Variants in PARD3B observed in about 807,000 individuals in gnomAD.
PARD3B encodes the protein partitioning defective 3 homolog B.
PARD3B carries 103 observed loss-of-function variants against 130.2 expected under a neutral mutation model. That is an observed-to-expected ratio of 0.79 (90% CI 0.67 to 0.93). The LOEUF (loss-of-function observed/expected upper bound fraction) is 0.93, where lower values mean the gene tolerates loss of function less well. Among genes scored for constraint, PARD3B ranks in the 40% least tolerant of loss-of-function variants. PARD3B has a pLI of 0.00. For missense variants in PARD3B, 1,609 were observed against 1,499.2 expected, an observed-to-expected ratio of 1.07 and a Z score of -1.21; for synonymous variants, 583 against 553.2, an observed-to-expected ratio of 1.05 and a Z score of -0.76.
rs1192632590 is a variant in PARD3B at position 205,146,961 on chromosome 2, C to T, written c.1435-11761C>T. Among the ~76,000 whole-genome samples, 1 of 152,082 alleles carries T rather than the reference C, an allele frequency of 6.6e-6. No individual in the cohort carries two copies. Among genetic ancestry groups the T allele is most frequent in the African/African-American group, 2.4e-5 (1 of 41,442 alleles). The stretch of plus-strand genomic sequence containing the variant: ...GAACTCCTGACCTCAAGTGTTCTGC[C>T]TGCCTTGGCCTCCCAAAGTCCTGGG... On this transcript the variant is annotated intron_variant, in intron 10 of 22. Coordinates refer to ENST00000406610, the MANE Select transcript of PARD3B (RefSeq NM_001302769.2). The surrounding 1 kb of genome is among the most constrained non-coding windows in gnomAD (Gnocchi z 4.3).
chr2:204,937,878 T>C lies in PARD3B; in HGVS notation c.223-27274T>C, dbSNP rs183343834. ...TCATAATTAGAAACTATGAACAGTT[T>C]TAGTTTTAACAGGATTGTCTTCGGG... On this transcript the variant is annotated intron_variant, in intron 2 of 22. Coordinates refer to ENST00000406610, the MANE Select transcript of PARD3B (RefSeq NM_001302769.2). 5.9e-5 allele frequency among the ~76,000 whole-genome samples: 9 copies of C among 152,336 alleles called. No homozygotes were observed. The East Asian group carries it at 1.7e-3, about 29-fold the overall frequency.
chr2:205,050,522 A>T (rs986993604), intron 4 of PARD3B, among the ~76,000 whole-genome samples: 1 of 152,106 alleles, frequency 6.6e-6, no homozygotes, highest in Non-Finnish European at 1.5e-5. Context: ...AGCTCTTGAA[A>T]TGTGTCTGAT....
chr2:205,158,488 T>C lies in PARD3B; in HGVS notation c.1435-234T>C, dbSNP rs2034314187. ...CGCTCTGACTTGCCAAACGATCCTCTCTATTGACCATTACCGAATAGTATT... is the reference window on the plus strand; with the variant it reads ...CGCTCTGACTTGCCAAACGATCCTCCCTATTGACCATTACCGAATAGTATT... On this transcript the variant is annotated intron_variant, in intron 10 of 22. Transcript: ENST00000406610. The surrounding 1 kb of genome is among the most constrained non-coding windows in gnomAD (Gnocchi z 5.4). Among the ~76,000 whole-genome samples the C allele has an allele frequency of 1.3e-5, 2 of 152,180 alleles. No individual in the cohort carries two copies. Among genetic ancestry groups the C allele is most frequent in the African/African-American group, 4.8e-5 (2 of 41,448 alleles).
At chr2:205,117,238 G>T (rs1417766531) in intron 6 of PARD3B, among the ~76,000 whole-genome samples, 1 of 152,116 alleles carries the variant, frequency 6.6e-6, no homozygotes, top group Non-Finnish European at 1.5e-5. Flanking sequence ...TTAATACTGT[G>T]TTTCAAGATT....
intron 18 of PARD3B, among the ~76,000 whole-genome samples, chr2:205,392,012 T>C (rs539748605): frequency 5.9e-4 from 90 of 151,844 alleles, no homozygotes; most frequent in African/African-American, 2.1e-3. Context: ...CTTTTGTTTG[T>C]TTGGTTTAAA....
chr2:204,894,448 T>A (rs966724287), intron 2 of PARD3B, among the ~76,000 whole-genome samples: 1 of 152,038 alleles, frequency 6.6e-6, no homozygotes, highest in African/African-American at 2.4e-5. Flanking sequence ...TTTTTACTTT[T>A]TTTTTTTCAT....
Position 205,431,325 on chromosome 2 carries a change from T to C in PARD3B, c.2742-9045T>C, listed in dbSNP as rs926336853. On this transcript the variant is annotated intron_variant, in intron 19 of 22. Transcript: ENST00000406610. ...CTCCTGACCTCAAGTGATCTGCCCA[T>C]CTTTGCCTCCCAAAGTGCTGGGATT... Among the ~76,000 whole-genome samples the C allele has an allele frequency of 3.9e-5, 6 of 151,994 alleles. No homozygotes were observed. In the South Asian group the frequency reaches 1.2e-3, roughly 32 times the overall value.
chr2:204,675,209 A>G lies in PARD3B; in HGVS notation c.121-10972A>G, dbSNP rs2036481860. On this transcript the variant is annotated intron_variant, in intron 1 of 22. Coordinates refer to ENST00000406610, the MANE Select transcript of PARD3B (RefSeq NM_001302769.2). This position sits in a 1 kb window ranked among gnomAD's most constrained non-coding sequence, Gnocchi z 4.4. ...TTACTTTGAGTCATTGTTTTTCAAT[A>G]TTATTAAATTAGTAATGGTTCAGTG... 6.6e-6 allele frequency among the ~76,000 whole-genome samples: 1 copy of G among 152,164 alleles called. No individual in the cohort carries two copies. Among genetic ancestry groups the G allele is most frequent in the African/African-American group, 2.4e-5 (1 of 41,446 alleles).
chr2:204,888,965 A>G lies in PARD3B; in HGVS notation c.223-76187A>G, dbSNP rs111541073. ...GATAATAGACTGTTTATCCCTAGAT[A>G]ACCAAGGCCAGATGAGGAATATTAT... On this transcript the variant is annotated intron_variant, in intron 2 of 22. Transcript: ENST00000406610. 6.7e-3 allele frequency among the ~76,000 whole-genome samples: 1,023 copies of G among 152,282 alleles called. 4 individuals are homozygous for G. The highest frequency in any genetic ancestry group is 0.012 in the Non-Finnish European group (789 of 68,024).
At chr2:204,945,362 G>C (rs1055142730) in intron 2 of PARD3B, among the ~76,000 whole-genome samples, 1 of 152,204 alleles carries the variant, frequency 6.6e-6, no homozygotes, top group Admixed American at 6.5e-5. Flanking sequence ...GTATAAGTCA[G>C]ATCCTTGCTG....
rs775487298 is a variant in PARD3B at position 205,113,512 on chromosome 2, G to A, written c.615G>A (p.Glu205=). The part of the protein sequence containing the change: ...DTLSDMTRTV[E]ISGEGGPLGI... The stretch of plus-strand genomic sequence containing the variant: ...CCAGTGATATGACAAGAACAGTGGA[G>A]ATTTCTGGGGAAGGAGGCCCATTGG... Residue 205 remains glutamate, a synonymous_variant, in exon 6 of 23, where the codon GAG becomes GAA. Coordinates refer to ENST00000406610, the MANE Select transcript of PARD3B (RefSeq NM_001302769.2). The A allele has an allele frequency of 6.2e-7, 1 of 1,613,278 alleles. No individual in the cohort carries two copies. The highest frequency in any genetic ancestry group is 8.5e-7 in the Non-Finnish European group (1 of 1,179,530).
At chr2:205,308,933 A>T (rs1212109082) in intron 18 of PARD3B, among the ~76,000 whole-genome samples, 1 of 152,150 alleles carries the variant, frequency 6.6e-6, no homozygotes, top group Non-Finnish European at 1.5e-5. Context: ...GTGTCATCCC[A>T]CCCTTGGTGA....
At chr2:205,248,922 A>G (rs1478215280) in intron 16 of PARD3B, among the ~76,000 whole-genome samples, 2 of 151,796 alleles carry the variant, frequency 1.3e-5, no homozygotes. Context: ...CACCATTCTT[A>G]AAAGGAATCA....
At chr2:204,786,208 T>C (rs996079883) in intron 2 of PARD3B, among the ~76,000 whole-genome samples, 1 of 152,058 alleles carries the variant, frequency 6.6e-6, no homozygotes, top group African/African-American at 2.4e-5. Context: ...GACGAGGTTA[T>C]GCAGGTGACA....
rs964182704 is a variant in PARD3B at position 205,187,799 on chromosome 2, C to T, written c.2024+1936C>T. 1.3e-5 allele frequency among the ~76,000 whole-genome samples: 2 copies of T among 152,106 alleles called. No homozygotes were observed. Among genetic ancestry groups the T allele is most frequent in the African/African-American group, 4.8e-5 (2 of 41,408 alleles). ...TCTTTTCACGTCTTCCTTCCTAGTC[C>T]CGTGTGTTTTAGGCCTCTGTTCTCA... is the stretch of plus-strand genomic sequence containing the variant. On this transcript the variant is annotated intron_variant, in intron 14 of 22. Coordinates refer to ENST00000406610, the MANE Select transcript of PARD3B (RefSeq NM_001302769.2). This position sits in a 1 kb window ranked among gnomAD's most constrained non-coding sequence, Gnocchi z 4.9.
At chr2:205,032,619 T>A (rs966466916) in intron 3 of PARD3B, among the ~76,000 whole-genome samples, 13 of 152,172 alleles carry the variant, frequency 8.5e-5, no homozygotes, top group Admixed American at 5.2e-4. Context: ...GATTGAGCTT[T>A]ATTTGATTAA....
At chr2:205,535,032 C>G (rs568132702) in intron 21 of PARD3B, among the ~76,000 whole-genome samples, 43 of 152,236 alleles carry the variant, frequency 2.8e-4, no homozygotes, top group African/African-American at 7.9e-4. Context: ...GGGGTGTATA[C>G]AGAGTAAAAT....
intron 2 of PARD3B, among the ~76,000 whole-genome samples, chr2:204,959,930 A>G (rs1205511674): frequency 6.6e-6 from 1 of 151,770 alleles, no homozygotes; most frequent in Non-Finnish European, 1.5e-5. Flanking sequence ...TTTAGAAGGT[A>G]GATATGTTCC....
Position 205,586,367 on chromosome 2 carries a change from A to C in PARD3B, c.3261-29089A>C, listed in dbSNP as rs531706323. ...CTGGACTGCAGCTCAACCTAATGTC[A>C]ACTTACCATAATTCTTTTATGTGGA... On this transcript the variant is annotated intron_variant, in intron 22 of 22. Coordinates refer to ENST00000406610, the MANE Select transcript of PARD3B (RefSeq NM_001302769.2). Among the ~76,000 whole-genome samples the C allele has an allele frequency of 8.5e-5, 13 of 152,314 alleles. 1 individual carries two copies. Among genetic ancestry groups the C allele is most frequent in the African/African-American group, 3.1e-4 (13 of 41,574 alleles).
Sources: gnomAD v4.1 joint callset for allele counts (sites outside exome capture counted in the v4.1 genomes callset) on GRCh38, gnomAD v4.1.1 for gene constraint, Gnocchi (gnomAD v3.1) non-coding constraint, MANE v1.5 for transcripts, NCBI Gene and HGNC (gene_info 2026-07-23, HGNC 2026-07-21) for gene names.